Variants in TAF1B observed in about 807,000 individuals in gnomAD.
The protein encoded by TAF1B is TATA box-binding protein-associated factor RNA polymerase I subunit B.
A neutral mutation model predicts 83.9 loss-of-function variants in TAF1B; 61 were observed. That is an observed-to-expected ratio of 0.73 (90% confidence interval 0.59 to 0.90). The LOEUF (loss-of-function observed/expected upper bound fraction) is 0.90, where lower values mean the gene tolerates loss of function less well. TAF1B is among the 40% of genes least tolerant of loss of function. The probability of loss-of-function intolerance (pLI) is 0.00; values close to 1 mark genes in which losing one functional copy is unlikely to be tolerated. For synonymous variants in TAF1B, 221 were observed against 224.6 expected, an observed-to-expected ratio of 0.98 and a Z score of 0.14; for missense variants, 625 against 677.0, an observed-to-expected ratio of 0.92 and a Z score of 0.85.
intron 14 of TAF1B, among the ~76,000 whole-genome samples, chr2:9,927,333 A>G (rs1666073081): frequency 6.6e-6 from 1 of 152,176 alleles, no homozygotes; most frequent in Admixed American, 6.5e-5. Context: ...GCAAACATAC[A>G]TGTGCATGTG....
chr2:9,915,533 T>A (rs1024466809), intron 12 of TAF1B, among the ~76,000 whole-genome samples: 1 of 152,228 alleles, frequency 6.6e-6, no homozygotes, highest in African/African-American at 2.4e-5. Flanking sequence ...TGTGAAAAGA[T>A]GTTTAACATC....
intron 6 of TAF1B, among the ~76,000 whole-genome samples, chr2:9,874,197 T>C (rs1664254579): frequency 6.6e-6 from 1 of 152,160 alleles, no homozygotes; most frequent in Non-Finnish European, 1.5e-5. Flanking sequence ...TTGCATCCCA[T>C]GATGCTCTCA....
chr2:9,926,034 G>A (rs928900778), intron 14 of TAF1B, among the ~76,000 whole-genome samples: 1 of 152,070 alleles, frequency 6.6e-6, no homozygotes, highest in African/African-American at 2.4e-5. Flanking sequence ...CTCAGAAGTA[G>A]AGTAGTATAA....
intron 4 of TAF1B, chr2:9,852,177 G>A: frequency 2.8e-6 from 1 of 358,608 alleles, no homozygotes; most frequent in Non-Finnish European, 5.6e-6. Context: ...TAGTATGTCT[G>A]GAGTAGAGCC....
rs12995055 is a variant in TAF1B at position 9,926,315 on chromosome 2, C to G, written c.1565+6495C>G. ...AGTTTAACTCAGAATCCAAATCAGGCCCATATATTGCAAGTGGTTGACATG... is the reference window on the plus strand; with the variant it reads ...AGTTTAACTCAGAATCCAAATCAGGGCCATATATTGCAAGTGGTTGACATG... On this transcript the variant is annotated intron_variant, in intron 14 of 14. Coordinates refer to ENST00000263663, the MANE Select transcript of TAF1B (RefSeq NM_005680.3). 9.6e-3 allele frequency among the ~76,000 whole-genome samples: 1,465 copies of G among 152,246 alleles called. 12 individuals carry two copies. The highest frequency in any genetic ancestry group is 0.017 in the Non-Finnish European group (1,124 of 68,004).
chr2:9,888,790 G>GTTT (rs56125595), intron 8 of TAF1B, among the ~76,000 whole-genome samples: 27 of 81,654 alleles, frequency 3.3e-4, no homozygotes, highest in African/African-American at 1.3e-3. Context: ...CTTCTGCTTG[G>GTTT]TTTTTTTTTT....
intron 7 of TAF1B, among the ~76,000 whole-genome samples, chr2:9,877,452 A>G (rs1416091109): frequency 6.6e-6 from 1 of 152,078 alleles, no homozygotes; most frequent in Non-Finnish European, 1.5e-5. Context: ...CTGTTGGTCA[A>G]TTGTCCACTC....
chr2:9,897,762 A>G (rs963847434), intron 8 of TAF1B, among the ~76,000 whole-genome samples: 1 of 152,112 alleles, frequency 6.6e-6, no homozygotes, highest in Admixed American at 6.5e-5. Flanking sequence ...CTGACTCTAG[A>G]TTTGTTCACC....
chr2:9,885,225 TTCTG>T (rs1054702926), intron 8 of TAF1B, among the ~76,000 whole-genome samples: 2 of 152,232 alleles, frequency 1.3e-5, no homozygotes, highest in Non-Finnish European at 2.9e-5. Flanking sequence ...TGGCGAGGCA[TTCTG>T]TCTGTCTGAG....
intron 8 of TAF1B, among the ~76,000 whole-genome samples, chr2:9,891,606 C>T (rs892828856): frequency 6.6e-6 from 1 of 152,060 alleles, no homozygotes; most frequent in Admixed American, 6.5e-5. Flanking sequence ...CAGCCTCAGG[C>T]AGGTTCCGTA....
rs953092484 is a variant in TAF1B at position 9,934,104 on chromosome 2, A to G, written c.*120A>G. The G allele has an allele frequency of 8.1e-6, 6 of 743,068 alleles. No individual in the cohort carries two copies. Among genetic ancestry groups the G allele is most frequent in the African/African-American group, 5.3e-5 (3 of 56,442 alleles). The allele number at this position is 743,068 out of a possible 1,614,324, so 46.0% of individuals were successfully genotyped here. Reference sequence around the variant, plus strand: ...CATATATATGTATAGACTCTGACACATATTTACATATATATCAAGTGTGCT... The same window carrying G: ...CATATATATGTATAGACTCTGACACGTATTTACATATATATCAAGTGTGCT... On this transcript the variant is annotated 3_prime_UTR_variant, in exon 15 of 15. Coordinates refer to ENST00000263663, the MANE Select transcript of TAF1B (RefSeq NM_005680.3).
At chr2:9,884,730 G>A (rs949788365) in intron 8 of TAF1B, among the ~76,000 whole-genome samples, 2 of 152,116 alleles carry the variant, frequency 1.3e-5, no homozygotes, top group Non-Finnish European at 2.9e-5. Context: ...CAGAGAGGGG[G>A]CCCTGGAGTG....
intron 8 of TAF1B, among the ~76,000 whole-genome samples, chr2:9,903,538 A>G (rs1395857946): frequency 6.6e-6 from 1 of 152,222 alleles, no homozygotes; most frequent in Non-Finnish European, 1.5e-5. Flanking sequence ...ATATATTAAT[A>G]TTTGTTCATA....
In TAF1B at chr2:9,933,990, T is replaced by A. The variant is rs1558276031; in HGVS notation, c.*6T>A. The A allele has an allele frequency of 6.3e-7, 1 of 1,577,680 alleles. No individual in the cohort carries two copies. The highest frequency in any genetic ancestry group is 1.2e-5 in the South Asian group (1 of 84,998). ...AGAAAGTGAGACGACATTGAGAAAA[T>A]GAAATAGAAACTTTCTGGAAAAATA... On this transcript the variant is annotated 3_prime_UTR_variant, in exon 15 of 15. Coordinates refer to ENST00000263663, the MANE Select transcript of TAF1B (RefSeq NM_005680.3).
chr2:9,916,354 G>C (rs1252510567), intron 12 of TAF1B, among the ~76,000 whole-genome samples: 1 of 152,234 alleles, frequency 6.6e-6, no homozygotes, highest in Non-Finnish European at 1.5e-5. Flanking sequence ...GCAAGGTAAA[G>C]TCAATTTTGG....
intron 13 of TAF1B, 87 bp downstream of exon 13, chr2:9,919,198 A>C: frequency 8.5e-7 from 1 of 1,169,950 alleles, no homozygotes; most frequent in Non-Finnish European, 1.3e-6. Flanking sequence ...TGAATGCTTA[A>C]GTTTTTTACT....
At chr2:9,886,565 T>C (rs1664678838) in intron 8 of TAF1B, among the ~76,000 whole-genome samples, 1 of 152,224 alleles carries the variant, frequency 6.6e-6, no homozygotes, top group Non-Finnish European at 1.5e-5. Flanking sequence ...TGTACTCACA[T>C]AGACACTCAA....
chr2:9,887,550 G>GT (rs34131837), intron 8 of TAF1B, among the ~76,000 whole-genome samples: 140,950 of 151,698 alleles, frequency 0.93, 66,325 homozygotes, highest in East Asian at 1. Flanking sequence ...GCCACTCCAA[G>GT]TTTTTTTTAT....
chr2:9,920,461 T>C (rs1277628892), intron 14 of TAF1B, among the ~76,000 whole-genome samples: 1 of 152,014 alleles, frequency 6.6e-6, no homozygotes, highest in Non-Finnish European at 1.5e-5. Context: ...ACAATGTTTC[T>C]GAGTATGGTT....
Sources: allele counts gnomAD v4.1 joint callset (sites outside exome capture counted in the v4.1 genomes callset), GRCh38; gene constraint gnomAD v4.1.1; transcripts MANE v1.5; gene names NCBI Gene and HGNC (gene_info 2026-07-23, HGNC 2026-07-21).